The following DNM2 variants were observed in gnomAD, a reference collection of about 807,000 sequenced individuals.
The protein encoded by DNM2 is dynamin-2.
In DNM2, 15 loss-of-function variants were observed where a neutral mutation model predicts 99.0. That is an observed-to-expected ratio of 0.15 (90% CI 0.10 to 0.23). The LOEUF (loss-of-function observed/expected upper bound fraction) is 0.23, where lower values mean the gene tolerates loss of function less well. Among genes scored for constraint, DNM2 ranks in the 10% least tolerant of loss-of-function variants. The pLI is 1.00. For synonymous variants in DNM2, 525 were observed against 481.2 expected, an observed-to-expected ratio of 1.09 and a Z score of -1.19; for missense variants, 742 against 1,189.4, an observed-to-expected ratio of 0.62 and a Z score of 5.53.
At chr19:10,797,558 C>G in intron 10 of DNM2, 40 bp downstream of exon 10, 1 of 1,613,358 alleles carries the variant, frequency 6.2e-7, no homozygotes, top group Non-Finnish European at 8.5e-7. Context: ...TGTCCCCGTC[C>G]TCCCCCTCCA....
Position 10,830,505 on chromosome 19 carries a change from C to A in DNM2, c.2543+127C>A. ...TGGAGTGGAGGAATCGTCCTCATCC[C>A]TATTTGGCTTGCGAGGAAACAGGCC... On this transcript the variant is annotated intron_variant, in intron 20 of 20. Coordinates refer to ENST00000389253, the MANE Select transcript of DNM2 (RefSeq NM_001005361.3). The surrounding 1 kb of genome is among the most constrained non-coding windows in gnomAD (Gnocchi z 4.8). 1 of 1,163,000 alleles carries A rather than the reference C, an allele frequency of 8.6e-7. No homozygotes were observed. Among genetic ancestry groups the A allele is most frequent in the Non-Finnish European group, 1.2e-6 (1 of 830,106 alleles). The allele number at this position is 1,163,000 out of a possible 1,614,324, so 72.0% of individuals were successfully genotyped here.
chr19:10,808,588 CA>C lies in DNM2; in HGVS notation c.1557+9del. ...TCAAAGGGGGAGATCCTGGTAAGTA[CA>C]TGCTTAGTGTGGTAGCAAACATTAG... On this transcript the variant is annotated intron_variant, in intron 14 of 20. Coordinates refer to ENST00000389253, the MANE Select transcript of DNM2 (RefSeq NM_001005361.3). The C allele has an allele frequency of 6.2e-7, 1 of 1,612,180 alleles. No homozygotes were observed. The highest frequency in any genetic ancestry group is 8.5e-7 in the Non-Finnish European group (1 of 1,179,180).
intron 1 of DNM2, 168 bp downstream of exon 1, chr19:10,718,571 G>A (rs2068829537): frequency 4.8e-6 from 5 of 1,044,152 alleles, no homozygotes; most frequent in East Asian, 3.7e-5. Context: ...CTGGGCAGAG[G>A]ACTCCCTGCA....
At chr19:10,724,991 G>A (rs372849127) in intron 1 of DNM2, among the ~76,000 whole-genome samples, 1 of 152,210 alleles carries the variant, frequency 6.6e-6, no homozygotes, top group Non-Finnish European at 1.5e-5. Flanking sequence ...AGTGCACATC[G>A]GATGCCCGTT....
chr19:10,798,207 C>T (rs1381328515), intron 10 of DNM2, among the ~76,000 whole-genome samples: 2 of 152,194 alleles, frequency 1.3e-5, no homozygotes, highest in Non-Finnish European at 2.9e-5. Flanking sequence ...CAAACATGCC[C>T]CTGCTTTTCT....
chr19:10,793,296 G>A (rs11880613), intron 7 of DNM2, among the ~76,000 whole-genome samples: 20,502 of 152,172 alleles, frequency 0.13, 1,763 homozygotes, highest in Middle Eastern at 0.22. Flanking sequence ...ACATCCCATC[G>A]ATGGGTCAGG....
intron 10 of DNM2, 141 bp from the exon 11 acceptor site, chr19:10,798,345 G>A (rs1271491673): frequency 7.2e-6 from 5 of 690,022 alleles, no homozygotes; most frequent in South Asian, 4.7e-5. Flanking sequence ...ACTCACTGGG[G>A]GCCAGGAGCA....
At chr19:10,794,487 G>A (rs1421072024) in intron 8 of DNM2, among the ~76,000 whole-genome samples, 2 of 152,028 alleles carry the variant, frequency 1.3e-5, no homozygotes, top group East Asian at 1.9e-4. Flanking sequence ...AGTGGCTCAC[G>A]CCTATAATCC....
intron 1 of DNM2, among the ~76,000 whole-genome samples, chr19:10,743,095 G>T (rs1268597199): frequency 6.6e-6 from 1 of 150,980 alleles, no homozygotes; most frequent in Non-Finnish European, 1.5e-5. Context: ...TTGTAGAGGC[G>T]AGGTTTCATC....
intron 1 of DNM2, among the ~76,000 whole-genome samples, chr19:10,734,953 C>T (rs2069469965): frequency 6.6e-6 from 1 of 151,562 alleles, no homozygotes; most frequent in Non-Finnish European, 1.5e-5. Context: ...ATCTGGAATT[C>T]TTCATGGTGA....
Position 10,796,837 on chromosome 19 carries a change from C to T in DNM2, c.1197-543C>T, listed in dbSNP as rs568548042. On this transcript the variant is annotated intron_variant, in intron 9 of 20. Transcript: ENST00000389253. This position sits in a 1 kb window ranked among gnomAD's most constrained non-coding sequence, Gnocchi z 5.6. ...CAGGACGCGCCGGGCTCCCCCAACC[C>T]GCGCCAACGCCGCGGGCCTGGTTCC... Among the ~76,000 whole-genome samples the T allele has an allele frequency of 3.3e-5, 5 of 152,160 alleles. No individual in the cohort carries two copies. The highest frequency in any genetic ancestry group is 7.2e-5 in the African/African-American group (3 of 41,516).
At chr19:10,813,427 A>G (rs1223875944) in intron 15 of DNM2, among the ~76,000 whole-genome samples, 1 of 152,218 alleles carries the variant, frequency 6.6e-6, no homozygotes, top group Non-Finnish European at 1.5e-5. Context: ...TTAGATGTAC[A>G]GAGTATGTAA....
intron 13 of DNM2, among the ~76,000 whole-genome samples, chr19:10,808,145 GA>G (rs199796895): frequency 3.8e-4 from 53 of 138,660 alleles, no homozygotes; most frequent in Middle Eastern, 3.8e-3. Flanking sequence ...TCCATATCAG[GA>G]AAAAAAAAAA....
chr19:10,788,527 A>G (rs2071644168), intron 7 of DNM2, among the ~76,000 whole-genome samples: 1 of 152,186 alleles, frequency 6.6e-6, no homozygotes, highest in Admixed American at 6.5e-5. Context: ...GGACTGACTC[A>G]GGTGCTCACA....
At chr19:10,821,514 G>C (rs373440897) in intron 16 of DNM2, among the ~76,000 whole-genome samples, 1 of 152,000 alleles carries the variant, frequency 6.6e-6, no homozygotes, top group Admixed American at 6.6e-5. Context: ...GCTCTGCGGT[G>C]GGACAGGCCT....
intron 17 of DNM2, 151 bp from the exon 18 acceptor site, chr19:10,824,906 C>T (rs2073092810): frequency 3.2e-6 from 4 of 1,264,344 alleles, no homozygotes; most frequent in Non-Finnish European, 4.5e-6. Context: ...AGCTCTGGCC[C>T]AGGGCAAGCA....
Position 10,825,037 on chromosome 19 carries a change from A to C in DNM2, c.1894-20A>C. 1 of 1,613,308 alleles carries C rather than the reference A, an allele frequency of 6.2e-7. No homozygotes were observed. Among genetic ancestry groups the C allele is most frequent in the South Asian group, 1.1e-5 (1 of 91,038 alleles). The stretch of plus-strand genomic sequence containing the variant: ...GCCCAGGCCACAGTCACCCCTCAGC[A>C]CCTCCCCTCCCGCTTGCAGGCAGAA... On this transcript the variant is annotated intron_variant, in intron 17 of 20. Coordinates refer to ENST00000389253, the MANE Select transcript of DNM2 (RefSeq NM_001005361.3).
intron 1 of DNM2, among the ~76,000 whole-genome samples, chr19:10,751,262 G>A (rs1298096141): frequency 2.0e-5 from 3 of 152,024 alleles, no homozygotes; most frequent in Admixed American, 6.6e-5. Flanking sequence ...CAGGAAGCCC[G>A]CCCAGGATCA....
intron 18 of DNM2, among the ~76,000 whole-genome samples, chr19:10,828,342 C>T (rs147081769): frequency 0.011 from 1,722 of 151,936 alleles, 20 homozygotes; most frequent in Non-Finnish European, 0.017. Flanking sequence ...AATCCCAGCA[C>T]TTTGGGAGGC....
Sources: allele counts gnomAD v4.1 joint callset (sites outside exome capture counted in the v4.1 genomes callset), GRCh38; gene constraint gnomAD v4.1.1; non-coding constraint Gnocchi (gnomAD v3.1); transcripts MANE v1.5; gene names NCBI Gene and HGNC (gene_info 2026-07-23, HGNC 2026-07-21).